The following EPS15 variants were observed in gnomAD, a reference collection of about 807,000 sequenced individuals.
EPS15 encodes epidermal growth factor receptor pathway substrate 15.
In EPS15, 72 loss-of-function variants were observed where a neutral mutation model predicts 113.8. That is an observed-to-expected ratio of 0.63 (90% CI 0.52 to 0.77). The LOEUF (loss-of-function observed/expected upper bound fraction) is 0.77, where lower values mean the gene tolerates loss of function less well. EPS15 is among the 30% of genes least tolerant of loss of function. The pLI, the probability that EPS15 is intolerant of heterozygous loss-of-function variation, is 0.00. For synonymous variants in EPS15, 344 were observed against 363.4 expected (o/e 0.95, Z 0.61); for missense variants, 1,048 against 1,045.8 (o/e 1.00, Z -0.03).
At chr1:51,467,957 T>TTA (rs112666924) in intron 5 of EPS15, among the ~76,000 whole-genome samples, 10 of 151,654 alleles carry the variant, frequency 6.6e-5, no homozygotes, top group East Asian at 1.9e-4. Flanking sequence ...AAATAAGTAT[T>TTA]TATATATATA....
intron 5 of EPS15, among the ~76,000 whole-genome samples, chr1:51,467,374 G>A (rs536038007): frequency 5.3e-5 from 8 of 152,226 alleles, no homozygotes; most frequent in South Asian, 2.1e-4. Context: ...ATATGTCCAA[G>A]TTTATTATTC....
chr1:51,507,617 C>T (rs1214257905), intron 1 of EPS15, among the ~76,000 whole-genome samples: 1 of 151,004 alleles, frequency 6.6e-6, no homozygotes, highest in African/African-American at 2.4e-5. Context: ...GCTGAGATCA[C>T]GTCACTGTAC....
chr1:51,454,429 CTT>C (rs1653822625), intron 8 of EPS15, among the ~76,000 whole-genome samples: 1 of 152,186 alleles, frequency 6.6e-6, no homozygotes, highest in African/African-American at 2.4e-5. Context: ...CTGGCAAACA[CTT>C]ATCTTAAATA....
At chr1:51,504,555 C>G (rs991427435) in intron 1 of EPS15, among the ~76,000 whole-genome samples, 1 of 151,946 alleles carries the variant, frequency 6.6e-6, no homozygotes, top group Non-Finnish European at 1.5e-5. Context: ...AGAATTCTTA[C>G]AACTCAATAA....
At chr1:51,412,431 T>C (rs1649817095) in intron 13 of EPS15, among the ~76,000 whole-genome samples, 1 of 152,228 alleles carries the variant, frequency 6.6e-6, no homozygotes, top group Non-Finnish European at 1.5e-5. Context: ...AAAATGTTTA[T>C]CAATTATTTA....
chr1:51,393,382 G>C lies in EPS15; in HGVS notation c.2119+999C>G, dbSNP rs140790470. 4.7e-4 allele frequency among the ~76,000 whole-genome samples: 72 copies of C among 152,264 alleles called. No individual in the cohort carries two copies. In the East Asian group the frequency reaches 0.014, roughly 29 times the overall value. On this transcript the variant is annotated intron_variant, in intron 21 of 24. Transcript: ENST00000371733. ...CCACCACCATACCTGGCTAATTTTT[G>C]CATTTTTAGTGGAGACGGGGTTTCA...
chr1:51,456,292 T>TA (rs1653991041), intron 8 of EPS15, among the ~76,000 whole-genome samples: 1 of 152,186 alleles, frequency 6.6e-6, no homozygotes, highest in Non-Finnish European at 1.5e-5. Flanking sequence ...CACCCCAAGT[T>TA]AGAGTCCTCT....
intron 23 of EPS15, among the ~76,000 whole-genome samples, chr1:51,362,927 T>C (rs1646420108): frequency 6.6e-6 from 1 of 152,206 alleles, no homozygotes; most frequent in Admixed American, 6.5e-5. Flanking sequence ...TTCCTTTGTA[T>C]AGTGCTAAAC....
intron 24 of EPS15, 69 bp downstream of exon 24, chr1:51,361,102 A>C: frequency 8.5e-7 from 1 of 1,173,190 alleles, no homozygotes; most frequent in South Asian, 1.4e-5. Flanking sequence ...CAAACTTGGC[A>C]GACTCCAAAA....
intron 13 of EPS15, among the ~76,000 whole-genome samples, chr1:51,418,007 G>A (rs1385038457): frequency 6.6e-6 from 1 of 152,168 alleles, no homozygotes; most frequent in African/African-American, 2.4e-5. Context: ...AATGGAGTGA[G>A]TACTTCTGAT....
chr1:51,482,638 G>A (rs1463589009), intron 1 of EPS15, among the ~76,000 whole-genome samples: 1 of 152,060 alleles, frequency 6.6e-6, no homozygotes, highest in African/African-American at 2.4e-5. Context: ...GCTAATTTTT[G>A]TATTTTTAGT....
chr1:51,479,848 C>A (rs1255792467), intron 2 of EPS15, among the ~76,000 whole-genome samples: 3 of 152,186 alleles, frequency 2.0e-5, no homozygotes, highest in Admixed American at 6.5e-5. Context: ...GAAAACTGGG[C>A]TGCTACCTGG....
intron 21 of EPS15, among the ~76,000 whole-genome samples, chr1:51,381,548 G>A (rs996830996): frequency 9.2e-5 from 14 of 152,116 alleles, no homozygotes; most frequent in Admixed American, 1.3e-4. Context: ...AGCTGAGATC[G>A]CGCCATTGCA....
At chr1:51,376,651 G>A (rs1172131189) in intron 21 of EPS15, among the ~76,000 whole-genome samples, 5 of 151,996 alleles carry the variant, frequency 3.3e-5, no homozygotes, top group Admixed American at 6.6e-5. Context: ...GCAACAGAGG[G>A]AGACTGTCTC....
At chr1:51,390,351 C>T (rs1328895809) in intron 21 of EPS15, among the ~76,000 whole-genome samples, 20 of 152,012 alleles carry the variant, frequency 1.3e-4, no homozygotes, top group African/African-American at 4.8e-4. Context: ...AGACCTAAAA[C>T]CATAAAAACC....
At chr1:51,498,103 A>G (rs2148546812) in intron 1 of EPS15, among the ~76,000 whole-genome samples, 1 of 152,274 alleles carries the variant, frequency 6.6e-6, no homozygotes, top group South Asian at 2.1e-4. Context: ...TAAGATAACA[A>G]TGTCACTTCT....
intron 1 of EPS15, among the ~76,000 whole-genome samples, chr1:51,510,887 G>A (rs1241742748): frequency 6.6e-6 from 1 of 152,256 alleles, no homozygotes; most frequent in South Asian, 2.1e-4. Flanking sequence ...TATCTAGGCC[G>A]GGCACGATGG....
At chr1:51,451,487 T>A (rs1468964403) in intron 8 of EPS15, among the ~76,000 whole-genome samples, 1 of 71,214 alleles carries the variant, frequency 1.4e-5, no homozygotes, top group African/African-American at 6.0e-5. Flanking sequence ...AGAGACTCCA[T>A]CTCAAAAAAA....
At chr1:51,473,812 T>C (rs573144900) in intron 2 of EPS15, among the ~76,000 whole-genome samples, 2 of 152,260 alleles carry the variant, frequency 1.3e-5, no homozygotes, top group African/African-American at 2.4e-5. Flanking sequence ...AGTCCAATCC[T>C]AGCAAAGAAG....
Sources: allele counts gnomAD v4.1 joint callset (sites outside exome capture counted in the v4.1 genomes callset), GRCh38; gene constraint gnomAD v4.1.1; transcripts MANE v1.5; gene names NCBI Gene and HGNC (gene_info 2026-07-23, HGNC 2026-07-21).